AP1M2: variants seen among roughly 807,000 people sequenced by gnomAD.
AP1M2 encodes the protein adaptor related protein complex 1 subunit mu 2, also known as AP-1 complex subunit mu-2.
A neutral mutation model predicts 54.6 loss-of-function variants in AP1M2; 41 were observed. That is an observed-to-expected ratio of 0.75 (90% CI 0.59 to 0.97). The LOEUF (loss-of-function observed/expected upper bound fraction) is 0.97. AP1M2 is among the 50% of genes least tolerant of loss of function. The pLI is 0.00. For missense variants in AP1M2, 507 were observed against 561.2 expected, an observed-to-expected ratio of 0.90 and a Z score of 0.98; for synonymous variants, 219 against 215.9, an observed-to-expected ratio of 1.01 and a Z score of -0.13.
At chr19:10,581,165 G>GGTGGTCGC in intron 6 of AP1M2, 101 bp downstream of exon 6, 46 of 1,468,614 alleles carry the variant, frequency 3.1e-5, no homozygotes, top group Middle Eastern at 2.6e-4. Context: ...GTGAGCGAGC[G>GGTGGTCGC]CTTATTTCAA....
chr19:10,585,315 G>GAA (rs1917614525), intron 1 of AP1M2, among the ~76,000 whole-genome samples: 1 of 141,852 alleles, frequency 7.0e-6, no homozygotes, highest in East Asian at 2.0e-4. Flanking sequence ...AAGAAAGAAA[G>GAA]AAAGAAAGAA....
intron 10 of AP1M2, 22 bp downstream of exon 10, chr19:10,574,882 C>A: frequency 1.3e-6 from 2 of 1,591,996 alleles, no homozygotes; most frequent in Non-Finnish European, 1.7e-6. Flanking sequence ...AGGGGAGGAT[C>A]CTCCCTGCCT....
Position 10,575,001 on chromosome 19 carries a change from T to C in AP1M2, c.1076A>G (p.His359Arg). The C allele has an allele frequency of 6.5e-7, 1 of 1,543,526 alleles. No homozygotes were observed. Among genetic ancestry groups the C allele is most frequent in the African/African-American group, 1.4e-5 (1 of 72,636 alleles). ...CTTTTCCACACTGGGGAGGCCAAAG[T>C]GGGCTCGCATCAAGTACTCCTTGCC... is the stretch of plus-strand genomic sequence containing the variant. Reference protein sequence around the residue: ...PGGKEYLMRAHFGLPSVEKEE... With the variant: ...PGGKEYLMRARFGLPSVEKEE... The change falls in exon 10 of 12, where the codon CAC becomes CGC. Residue 359 changes from histidine to arginine, a missense_variant. His to Arg is a conservative substitution (Grantham distance 29). Transcript: ENST00000250244.
intron 11 of AP1M2, among the ~76,000 whole-genome samples, chr19:10,574,062 G>A (rs1055732430): frequency 3.3e-5 from 5 of 152,008 alleles, no homozygotes; most frequent in South Asian, 2.1e-4. Flanking sequence ...GGTTTCTGTC[G>A]ACCAGGCAGG....
At chr19:10,586,911 C>T (rs1266763063) in intron 1 of AP1M2, among the ~76,000 whole-genome samples, 5 of 152,152 alleles carry the variant, frequency 3.3e-5, no homozygotes, top group Non-Finnish European at 7.3e-5. Context: ...AGAAAGGCCA[C>T]TATGCTAAGT....
chr19:10,574,417 C>T lies in AP1M2; in HGVS notation c.1249G>A (p.Asp417Asn), dbSNP rs759394020. 1.9e-5 allele frequency: 30 copies of T among 1,552,954 alleles called. No homozygotes were observed. The highest frequency in any genetic ancestry group is 2.4e-5 in the Non-Finnish European group (27 of 1,148,650). ...GTCCCCAGGAGCTGGGCTGCCTTAC[C>T]GCCACTCTGGGTGATGTAGCGAACC... Reference protein sequence around the residue: ...PWVRYITQSGDYQLRTS With the variant: ...PWVRYITQSGNYQLRTS The change falls in exon 11 of 12, where the codon GAT becomes AAT. Residue 417 changes from aspartate (D) to asparagine (N), a missense_variant and splice_region_variant. Transcript: ENST00000250244.
rs1406025900 is a variant in AP1M2, at chr19:10,577,222, C to T, written c.1023G>A (p.Val341=). 4.4e-6 allele frequency: 7 copies of T among 1,605,024 alleles called. No homozygotes were observed. The highest frequency in any genetic ancestry group is 1.3e-5 in the African/African-American group (1 of 74,762). ...CCGGGAAAGACTTAATACTCCAAAT[C>T]ACGACGTTTCTCTCCGGCACATACT... is the stretch of plus-strand genomic sequence containing the variant. ...SAKYVPERNV[V]IWSIKSFPGG... is the part of the protein sequence containing the mutation. The change falls in exon 9 of 12, where the codon GTG becomes GTA. Residue 341 remains valine (V), a synonymous_variant. Coordinates refer to ENST00000250244, the MANE Select transcript of AP1M2 (RefSeq NM_005498.5).
Position 10,581,277 on chromosome 19 carries a change from T to C in AP1M2, c.662A>G (p.Glu221Gly). Residue 221 changes from glutamate to glycine, a missense_variant, in exon 6 of 12, where the codon GAG (glutamate) becomes GGG (glycine). Coordinates refer to ENST00000250244, the MANE Select transcript of AP1M2 (RefSeq NM_005498.5). ...CCCTAAATGCTTACGGCCAGTGAGCTCGAAGAGCACGCGGTCATTGAGGCC... is the reference window on the plus strand; with the variant it reads ...CCCTAAATGCTTACGGCCAGTGAGCCCGAAGAGCACGCGGTCATTGAGGCC... ...RLGLNDRVLF[E>G]LTGRSKNKSV... 1 of 1,613,356 alleles carries C rather than the reference T, an allele frequency of 6.2e-7. No homozygotes were observed. The highest frequency in any genetic ancestry group is 8.5e-7 in the Non-Finnish European group (1 of 1,179,486).
chr19:10,585,295 G>GAAAGAA (rs2144772552), intron 1 of AP1M2, among the ~76,000 whole-genome samples: 1 of 97,090 alleles, frequency 1.0e-5, no homozygotes, highest in East Asian at 2.4e-4. Context: ...AAGAAAGAAA[G>GAAAGAA]AAAGAAAGAA....
chr19:10,573,128 GGA>G, intron 11 of AP1M2, 40 bp from the exon 12 acceptor site: 1 of 1,546,706 alleles, frequency 6.5e-7, no homozygotes, highest in Non-Finnish European at 8.8e-7. Flanking sequence ...TCAGAAATGG[GGA>G]GAGGGGGGCC....
chr19:10,573,181 G>A, intron 11 of AP1M2, 93 bp from the exon 12 acceptor site: 1 of 1,183,358 alleles, frequency 8.5e-7, no homozygotes, highest in Non-Finnish European at 1.2e-6. Context: ...CACTTTGGGA[G>A]GTCGAGGCAG....
chr19:10,574,176 C>T (rs1917148531), intron 11 of AP1M2, among the ~76,000 whole-genome samples: 1 of 152,142 alleles, frequency 6.6e-6, no homozygotes, highest in African/African-American at 2.4e-5. Flanking sequence ...TACACCACCA[C>T]ACCCGGCTAA....
At chr19:10,574,700 G>A (rs563592708) in intron 10 of AP1M2, among the ~76,000 whole-genome samples, 6 of 152,242 alleles carry the variant, frequency 3.9e-5, no homozygotes, top group African/African-American at 9.6e-5. Flanking sequence ...TGAACAAGCC[G>A]GTGGGGAACA....
chr19:10,575,717 G>A (rs936232388), intron 9 of AP1M2, among the ~76,000 whole-genome samples: 4 of 150,604 alleles, frequency 2.7e-5, no homozygotes, highest in African/African-American at 7.3e-5. Context: ...GCATACATAC[G>A]TACCTCTCTG....
intron 6 of AP1M2, among the ~76,000 whole-genome samples, chr19:10,580,419 T>C (rs1342833152): frequency 6.6e-6 from 1 of 151,378 alleles, no homozygotes; most frequent in Non-Finnish European, 1.5e-5. Context: ...CCCCGAACTA[T>C]GGGAGGCTGA....
intron 1 of AP1M2, 77 bp downstream of exon 1, chr19:10,587,113 C>T: frequency 6.7e-7 from 1 of 1,503,528 alleles, no homozygotes; most frequent in South Asian, 1.2e-5. Flanking sequence ...TCCTGGCCCG[C>T]GCGGAGGGGT....
intron 2 of AP1M2, 116 bp from the exon 3 acceptor site, chr19:10,583,789 C>T: frequency 2.7e-6 from 4 of 1,487,502 alleles, no homozygotes; most frequent in Non-Finnish European, 2.7e-6. Context: ...CCCCTGCCCC[C>T]CAGCCTAAGC....
In AP1M2 at chr19:10,580,150, C is replaced by G. The variant is rs147962923; in HGVS notation, c.674-292G>C. Among the ~76,000 whole-genome samples the G allele has an allele frequency of 8.9e-3, 1,290 of 144,394 alleles. 16 individuals carry two copies. The highest frequency in any genetic ancestry group is 0.031 in the African/African-American group (1,224 of 38,974). 94.7% of individuals were successfully genotyped at this position (144,394 alleles called of 152,430 possible). A position where few individuals can be genotyped will look rare whatever the true frequency, so the allele number is the denominator to read the frequency against. On this transcript the variant is annotated intron_variant, in intron 6 of 11. Transcript: ENST00000250244. The stretch of plus-strand genomic sequence containing the variant: ...CACCGCAACCTCCACCTCCCGAGTT[C>G]AAGCCATTCTCCTGCCTCAGCCTAC...
intron 6 of AP1M2, among the ~76,000 whole-genome samples, 186 bp from the exon 7 acceptor site, chr19:10,580,044 GTTTTTTT>G (rs59349358): frequency 1.4e-5 from 1 of 71,192 alleles, no homozygotes; most frequent in South Asian, 4.9e-4. Context: ...ATCTGGCTTG[GTTTTTTT>G]TTTTTTTTTT....
Sources: gnomAD v4.1 joint callset for allele counts (sites outside exome capture counted in the v4.1 genomes callset) on GRCh38, gnomAD v4.1.1 for gene constraint, MANE v1.5 for transcripts, NCBI Gene and HGNC (gene_info 2026-07-23, HGNC 2026-07-21) for gene names.